The following IMMP2L variants were observed in gnomAD, a reference collection of about 807,000 sequenced individuals.
The protein encoded by IMMP2L is inner mitochondrial membrane peptidase subunit 2, also known as mitochondrial inner membrane protease subunit 2.
In IMMP2L, 18 loss-of-function variants were observed where a neutral mutation model predicts 19.3. The observed-to-expected ratio is 0.93, with a 90% CI of 0.64 to 1.38. IMMP2L has a LOEUF of 1.38. Ranked by LOEUF, IMMP2L falls within the 40% of genes most tolerant of loss-of-function variation. IMMP2L has a pLI of 0.00. For missense variants in IMMP2L, 233 were observed against 218.2 expected, an observed-to-expected ratio of 1.07 and a Z score of -0.43; for synonymous variants, 76 against 73.0, an observed-to-expected ratio of 1.04 and a Z score of -0.21.
chr7:110,999,608 A>T lies in IMMP2L; in HGVS notation c.240-36043T>A, dbSNP rs79357986. Among the ~76,000 whole-genome samples, 18 of 98,374 alleles carry T rather than the reference A, an allele frequency of 1.8e-4. 1 individual carries two copies. The highest frequency in any genetic ancestry group is 0.011 in the Middle Eastern group (2 of 182). The allele number at this position is 98,374 out of a possible 152,430, so 64.5% of individuals were successfully genotyped here. A position where few individuals can be genotyped will look rare whatever the true frequency, so the allele number is the denominator to read the frequency against. On this transcript the variant is annotated intron_variant, in intron 3 of 5. Coordinates refer to ENST00000405709, the MANE Select transcript of IMMP2L (RefSeq NM_032549.4). ...ACACTTCTAAATATTTTCGATGAATAAAAAAAAAAAAAAAACCAAGATACG... is the reference window on the plus strand; with the variant it reads ...ACACTTCTAAATATTTTCGATGAATTAAAAAAAAAAAAAAACCAAGATACG...
intron 3 of IMMP2L, among the ~76,000 whole-genome samples, chr7:111,427,012 T>A (rs1487963817): frequency 6.6e-6 from 1 of 151,192 alleles, no homozygotes; most frequent in Admixed American, 6.6e-5. Flanking sequence ...CATAGTCTCA[T>A]TGCATTACTG....
intron 5 of IMMP2L, among the ~76,000 whole-genome samples, chr7:110,733,912 C>A (rs778117024): frequency 2.2e-4 from 34 of 152,192 alleles, no homozygotes; most frequent in Non-Finnish European, 4.3e-4. Context: ...ACTGACTCTG[C>A]CAGCACCCTG....
intron 3 of IMMP2L, among the ~76,000 whole-genome samples, chr7:111,021,106 A>G (rs1330921910): frequency 6.6e-6 from 1 of 152,200 alleles, no homozygotes; most frequent in Non-Finnish European, 1.5e-5. Flanking sequence ...CACTATTCAG[A>G]ATAACACTGC....
intron 5 of IMMP2L, among the ~76,000 whole-genome samples, chr7:110,717,018 A>G (rs569713661): frequency 6.6e-6 from 1 of 152,226 alleles, no homozygotes; most frequent in African/African-American, 2.4e-5. Context: ...TCTGAATGTT[A>G]TAAGAATATG....
At chr7:110,958,572 C>T (rs1818603894) in intron 4 of IMMP2L, among the ~76,000 whole-genome samples, 1 of 152,020 alleles carries the variant, frequency 6.6e-6, no homozygotes, top group African/African-American at 2.4e-5. Flanking sequence ...ATGCCCCATT[C>T]TGGGATGTCT....
chr7:111,443,061 G>A (rs898350996), intron 3 of IMMP2L, among the ~76,000 whole-genome samples: 5 of 151,866 alleles, frequency 3.3e-5, no homozygotes, highest in Non-Finnish European at 5.9e-5. Context: ...TCCAGAGCAT[G>A]TATCACAAAC....
intron 3 of IMMP2L, among the ~76,000 whole-genome samples, chr7:111,475,450 A>G (rs1277229848): frequency 6.6e-6 from 1 of 152,020 alleles, no homozygotes; most frequent in Admixed American, 6.6e-5. Context: ...AAAGGTATCT[A>G]CTGACCTTGG....
chr7:111,084,236 A>G (rs539991416), intron 3 of IMMP2L, among the ~76,000 whole-genome samples: 1 of 151,796 alleles, frequency 6.6e-6, no homozygotes, highest in South Asian at 2.1e-4. Context: ...AATGCAAGAT[A>G]TGAGGCACAA....
chr7:111,006,829 G>A (rs1179880070), intron 3 of IMMP2L, among the ~76,000 whole-genome samples: 1 of 152,094 alleles, frequency 6.6e-6, no homozygotes, highest in Non-Finnish European at 1.5e-5. Flanking sequence ...ACCACTCTAA[G>A]AATTCCCTTT....
At chr7:111,241,640 G>T (rs903868759) in intron 3 of IMMP2L, among the ~76,000 whole-genome samples, 1 of 151,668 alleles carries the variant, frequency 6.6e-6, no homozygotes, top group African/African-American at 2.4e-5. Flanking sequence ...TTGTAGTTAA[G>T]TACCAAGGGT....
chr7:110,805,863 C>A (rs1801595331), intron 5 of IMMP2L, among the ~76,000 whole-genome samples: 1 of 151,876 alleles, frequency 6.6e-6, no homozygotes, highest in Non-Finnish European at 1.5e-5. Context: ...TGGTATAATG[C>A]TTGGGGTATA....
chr7:110,779,803 C>T (rs1562970438), intron 5 of IMMP2L, among the ~76,000 whole-genome samples: 1 of 151,808 alleles, frequency 6.6e-6, no homozygotes, highest in East Asian at 2.0e-4. Context: ...ACTCAGCCAT[C>T]CATGTGCCAT....
At chr7:111,227,267 T>A (rs1221514626) in intron 3 of IMMP2L, among the ~76,000 whole-genome samples, 3 of 152,080 alleles carry the variant, frequency 2.0e-5, no homozygotes, top group African/African-American at 7.2e-5. Context: ...ATTCTTCCAT[T>A]ACCACTACTT....
chr7:111,021,430 C>T (rs910907769), intron 3 of IMMP2L, among the ~76,000 whole-genome samples: 4 of 152,190 alleles, frequency 2.6e-5, no homozygotes, highest in South Asian at 2.1e-4. Context: ...AAGGCATATC[C>T]GAGACTGGGT....
intron 3 of IMMP2L, among the ~76,000 whole-genome samples, chr7:111,321,443 G>A (rs1018842867): frequency 6.6e-6 from 1 of 151,936 alleles, no homozygotes; most frequent in Admixed American, 6.6e-5. Flanking sequence ...TCAGATCTCT[G>A]ATTTGAGGTA....
intron 5 of IMMP2L, among the ~76,000 whole-genome samples, chr7:110,820,682 G>A (rs754565576): frequency 6.6e-5 from 10 of 151,914 alleles, no homozygotes; most frequent in Non-Finnish European, 1.5e-4. Context: ...GAGAATATCT[G>A]CAATGTTATT....
At chr7:110,886,133 T>A (rs1008378454) in intron 5 of IMMP2L, among the ~76,000 whole-genome samples, 1 of 152,066 alleles carries the variant, frequency 6.6e-6, no homozygotes, top group African/African-American at 2.4e-5. Flanking sequence ...GCTGGGACCC[T>A]AAGAGGGTAG....
At chr7:111,462,239 T>C (rs1840199693) in intron 3 of IMMP2L, among the ~76,000 whole-genome samples, 1 of 152,068 alleles carries the variant, frequency 6.6e-6, no homozygotes, top group South Asian at 2.1e-4. Context: ...AGTCTCCCAA[T>C]TGGATACATC....
At chr7:110,972,001 A>G (rs553935402) in intron 3 of IMMP2L, among the ~76,000 whole-genome samples, 6 of 152,224 alleles carry the variant, frequency 3.9e-5, no homozygotes, top group South Asian at 2.1e-4. Flanking sequence ...AGGTTAGAAC[A>G]TAAGTAGAAT....
Sources: allele counts gnomAD v4.1 joint callset (sites outside exome capture counted in the v4.1 genomes callset), GRCh38; gene constraint gnomAD v4.1.1; transcripts MANE v1.5; gene names NCBI Gene and HGNC (gene_info 2026-07-23, HGNC 2026-07-21).